The following CYP4X1 variants were observed in gnomAD, a reference collection of about 807,000 sequenced individuals.
CYP4X1 encodes the protein cytochrome P450 4X1.
In CYP4X1, 44 loss-of-function variants were observed where a neutral mutation model predicts 57.9. That is an observed-to-expected ratio of 0.76 (90% CI 0.60 to 0.98). The LOEUF is 0.98. Among genes scored for constraint, CYP4X1 ranks in the 50% least tolerant of loss-of-function variants. CYP4X1 has a pLI of 0.00. For missense variants in CYP4X1, 532 were observed against 623.9 expected (o/e 0.85, Z 1.57); for synonymous variants, 227 against 228.6 (o/e 0.99, Z 0.06).
At chr1:47,039,619 T>A in intron 8 of CYP4X1, 87 bp downstream of exon 8, 3 of 1,058,478 alleles carry the variant, frequency 2.8e-6, no homozygotes, top group Non-Finnish European at 4.0e-6. Context: ...GTGACCCTAG[T>A]GCCTCAGGAT....
the CYP4X1 span, among the ~76,000 whole-genome samples, chr1:47,014,892 A>G: frequency 5.3e-5 from 8 of 152,242 alleles, no homozygotes; most frequent in African/African-American, 1.9e-4. Flanking sequence ...AACTGGAAAC[A>G]TCAGCACAGG....
At chr1:46,972,279 T>C in the CYP4X1 span, among the ~76,000 whole-genome samples, 2 of 152,218 alleles carry the variant, frequency 1.3e-5, no homozygotes, top group South Asian at 4.1e-4. Flanking sequence ...CACTTATCTA[T>C]TCTGTTCCAT....
the CYP4X1 span, among the ~76,000 whole-genome samples, chr1:47,000,650 G>A: frequency 6.6e-6 from 1 of 152,134 alleles, no homozygotes; most frequent in Admixed American, 6.5e-5. Context: ...TATAGGGGCA[G>A]ACAAGCTGGA....
chr1:46,964,547 G>A, the CYP4X1 span, among the ~76,000 whole-genome samples: 1 of 152,218 alleles, frequency 6.6e-6, no homozygotes, highest in Non-Finnish European at 1.5e-5. Flanking sequence ...GGAGGCTGCA[G>A]AACAGTGAAT....
chr1:46,974,049 G>A, the CYP4X1 span, among the ~76,000 whole-genome samples: 2 of 152,150 alleles, frequency 1.3e-5, no homozygotes, highest in South Asian at 4.2e-4. Flanking sequence ...TTTCATGTGA[G>A]TGATTAGTGC....
chr1:47,016,610 G>A, the CYP4X1 span, among the ~76,000 whole-genome samples: 1 of 152,152 alleles, frequency 6.6e-6, no homozygotes, highest in Admixed American at 6.5e-5. Context: ...CAAAGTGCTG[G>A]GATTACAGGT....
intron 8 of CYP4X1, among the ~76,000 whole-genome samples, chr1:47,045,737 C>T (rs1644294024): frequency 6.6e-6 from 1 of 152,198 alleles, no homozygotes; most frequent in African/African-American, 2.4e-5. Context: ...TTCCATGCTT[C>T]CCTTTCTCTC....
chr1:47,040,005 A>G (rs894458901), intron 8 of CYP4X1, among the ~76,000 whole-genome samples: 9 of 140,520 alleles, frequency 6.4e-5, no homozygotes, highest in Non-Finnish European at 9.4e-5. Context: ...ATATTCGATG[A>G]TATATACTAT....
chr1:47,050,389 G>C lies in CYP4X1; in HGVS notation c.*215G>C. The C allele has an allele frequency of 2.0e-6, 1 of 502,134 alleles. No individual in the cohort carries two copies. The highest frequency in any genetic ancestry group is 3.6e-6 in the Non-Finnish European group (1 of 281,330). 31.1% of individuals were successfully genotyped at this position (502,134 alleles called of 1,614,324 possible). The stretch of plus-strand genomic sequence containing the variant: ...TTTGGGAGATTTTCAGATCTTTTCT[G>C]TTAAACTTTCACTACTATTAATGCT... On this transcript the variant is annotated 3_prime_UTR_variant, in exon 12 of 12. Coordinates refer to ENST00000371901, the MANE Select transcript of CYP4X1 (RefSeq NM_178033.2).
chr1:47,019,703 T>C (rs1557598012), upstream of CYP4X1, among the ~76,000 whole-genome samples: 3 of 152,192 alleles, frequency 2.0e-5, no homozygotes. Context: ...TTTATTCTCA[T>C]AAATGTTAAG....
intron 7 of CYP4X1, 74 bp downstream of exon 7, chr1:47,038,840 G>T: frequency 8.5e-7 from 1 of 1,180,074 alleles, no homozygotes; most frequent in Non-Finnish European, 1.2e-6. Flanking sequence ...GTGGGAATGG[G>T]ATGGGGAGAC....
chr1:46,999,414 A>T, the CYP4X1 span, among the ~76,000 whole-genome samples: 1 of 151,982 alleles, frequency 6.6e-6, no homozygotes, highest in Non-Finnish European at 1.5e-5. Flanking sequence ...ATCAGTTGTA[A>T]TGTTACCTTT....
chr1:47,053,985 T>C (rs1282880642), downstream of CYP4X1, among the ~76,000 whole-genome samples: 2 of 152,036 alleles, frequency 1.3e-5, no homozygotes, highest in African/African-American at 2.4e-5. Flanking sequence ...AGACATGAAG[T>C]CCTTGCCCAT....
the CYP4X1 span, among the ~76,000 whole-genome samples, chr1:46,987,461 A>G: frequency 1.2e-4 from 18 of 152,198 alleles, no homozygotes; most frequent in African/African-American, 4.1e-4. Flanking sequence ...CACCATCAAT[A>G]TTAGACAGAT....
At position 47,030,104 on chromosome 1, in the gene CYP4X1, T is replaced by C. The variant is rs888257808; in HGVS notation, c.292T>C (p.Tyr98His). The change falls in exon 2 of 12, where the codon TAT (tyrosine) becomes CAT (histidine). Residue 98 changes from tyrosine (Y) to histidine (H), a missense_variant. Physicochemically the swap from Tyr to His is moderately conservative, Grantham distance 83 (BLOSUM62 2). Transcript: ENST00000371901. ...QAFFCIYDPD[Y>H]AKTLLSRTDP... is the part of the protein sequence containing the mutation. ...ATTTTTCTGTATCTATGACCCAGAC[T>C]ATGCAAAGACACTTCTGAGCAGAAC... is the stretch of plus-strand genomic sequence containing the variant. 6.2e-7 allele frequency: 1 copy of C among 1,614,128 alleles called. No homozygotes were observed. Among genetic ancestry groups the C allele is most frequent in the South Asian group, 1.1e-5 (1 of 91,058 alleles).
the CYP4X1 span, among the ~76,000 whole-genome samples, chr1:47,008,231 C>G: frequency 1.3e-5 from 2 of 152,118 alleles, no homozygotes; most frequent in Non-Finnish European, 2.9e-5. Flanking sequence ...TCTCTCGGCA[C>G]AAACTCTACA....
chr1:47,033,117 T>G, intron 3 of CYP4X1, 124 bp from the exon 4 acceptor site: 1 of 1,026,008 alleles, frequency 9.7e-7, no homozygotes, highest in Non-Finnish European at 1.4e-6. Flanking sequence ...GAGTACTACT[T>G]TGATACTCCA....
chr1:47,046,488 G>A lies in CYP4X1; in HGVS notation c.1095G>A (p.Ser365=), dbSNP rs368977020. 43 of 1,613,922 alleles carry A rather than the reference G, an allele frequency of 2.7e-5. No individual in the cohort carries two copies. Among genetic ancestry groups the A allele is most frequent in the South Asian group, 8.8e-5 (8 of 91,072 alleles). ...ACAGGGACCAGCTGGGTGAGATGTCGTACACCACAATGTGCATCAAGGAGA... is the reference window on the plus strand; with the variant it reads ...ACAGGGACCAGCTGGGTGAGATGTCATACACCACAATGTGCATCAAGGAGA... The part of the protein sequence containing the change: ...SITWDQLGEM[S]YTTMCIKETC... The change falls in exon 9 of 12, where the codon TCG becomes TCA. Residue 365 remains serine, a synonymous_variant. Coordinates refer to ENST00000371901, the MANE Select transcript of CYP4X1 (RefSeq NM_178033.2).
the CYP4X1 span, among the ~76,000 whole-genome samples, chr1:46,971,927 T>C: frequency 1.3e-5 from 2 of 152,218 alleles, no homozygotes; most frequent in Non-Finnish European, 2.9e-5. Context: ...GTGCAGAAGC[T>C]TTTTAGTTTA....
Sources: allele counts gnomAD v4.1 joint callset (sites outside exome capture counted in the v4.1 genomes callset), GRCh38; gene constraint gnomAD v4.1.1; transcripts MANE v1.5; gene names NCBI Gene and HGNC (gene_info 2026-07-23, HGNC 2026-07-21).